Variants in ATP10A observed in about 807,000 individuals in gnomAD.
The protein encoded by ATP10A is phospholipid-transporting ATPase VA.
In ATP10A, 111 loss-of-function variants were observed where a neutral mutation model predicts 147.8. The ratio of observed to expected loss-of-function variants is 0.75; its 90% CI spans 0.64 to 0.88. The LOEUF (loss-of-function observed/expected upper bound fraction) is 0.88. ATP10A is among the 40% of genes least tolerant of loss of function. ATP10A has a pLI of 0.00. For missense variants in ATP10A, 1,927 were observed against 1,959.0 expected, an observed-to-expected ratio of 0.98 and a Z score of 0.31; for synonymous variants, 875 against 841.6, an observed-to-expected ratio of 1.04 and a Z score of -0.69.
intron 13 of ATP10A, among the ~76,000 whole-genome samples, chr15:25,701,505 C>G (rs900843445): frequency 3.3e-5 from 5 of 152,170 alleles, no homozygotes; most frequent in Admixed American, 2.6e-4. Flanking sequence ...TATGAAGTAG[C>G]TACTCGCCAC....
intron 2 of ATP10A, among the ~76,000 whole-genome samples, chr15:25,759,328 AG>A (rs1329162959): frequency 6.6e-6 from 1 of 152,192 alleles, no homozygotes; most frequent in Admixed American, 6.5e-5. Flanking sequence ...GGTTTAAGCA[AG>A]ATGTAGGTTT....
intron 13 of ATP10A, among the ~76,000 whole-genome samples, chr15:25,700,069 T>C (rs1377695901): frequency 6.6e-6 from 1 of 151,446 alleles, no homozygotes; most frequent in Non-Finnish European, 1.5e-5. Flanking sequence ...AATTAGAAAA[T>C]GGAAAAATAC....
chr15:25,679,147 C>T lies in ATP10A; in HGVS notation c.*194G>A, dbSNP rs1487889028. 1.2e-5 allele frequency: 4 copies of T among 325,200 alleles called. No homozygotes were observed. Among genetic ancestry groups the T allele is most frequent in the Non-Finnish European group, 2.1e-5 (4 of 192,922 alleles). The allele number at this position is 325,200 out of a possible 1,614,324, so 20.1% of individuals were successfully genotyped here. On this transcript the variant is annotated 3_prime_UTR_variant, in exon 21 of 21. Coordinates refer to ENST00000555815, the MANE Select transcript of ATP10A (RefSeq NM_024490.4). ...CTTTAAACTTTTATATATGTTAAGG[C>T]TCTTCTTTTTCTTTTCAATATACTC...
Position 25,862,853 on chromosome 15 carries a change from G to T in ATP10A, c.244C>A (p.Gln82Lys). The change falls in exon 1 of 21, where the codon CAG (glutamine) becomes AAG (lysine). Residue 82 changes from glutamine (Q) to lysine (K), a missense_variant. Transcript: ENST00000555815. Reference protein sequence around the residue: ...LSFLPKNLFEQFHRPANVYFV... With the variant: ...LSFLPKNLFEKFHRPANVYFV... Reference sequence around the variant, plus strand: ...TACACGTTGGCCGGGCGGTGGAACTGCTCGAACAGGTTCTTGGGCAGGAAG... The same window carrying T: ...TACACGTTGGCCGGGCGGTGGAACTTCTCGAACAGGTTCTTGGGCAGGAAG... 6.2e-7 allele frequency: 1 copy of T among 1,610,544 alleles called. No individual in the cohort carries two copies. The highest frequency in any genetic ancestry group is 1.3e-5 in the African/African-American group (1 of 75,004).
At chr15:25,772,330 C>T (rs746560785) in intron 2 of ATP10A, among the ~76,000 whole-genome samples, 13 of 152,208 alleles carry the variant, frequency 8.5e-5, no homozygotes, top group Middle Eastern at 3.4e-3. Context: ...CTGATGCTTG[C>T]GGCAGTCTGA....
intron 15 of ATP10A, among the ~76,000 whole-genome samples, chr15:25,688,504 A>C (rs1331532125): frequency 6.6e-6 from 1 of 152,236 alleles, no homozygotes; most frequent in Non-Finnish European, 1.5e-5. Flanking sequence ...CAGTGAAGCC[A>C]ACTAGGCTGG....
At chr15:25,704,043 G>A (rs571792921) in intron 12 of ATP10A, among the ~76,000 whole-genome samples, 1 of 151,496 alleles carries the variant, frequency 6.6e-6, no homozygotes, top group African/African-American at 2.5e-5. Flanking sequence ...CCAGCCACCC[G>A]GGCACCGGGA....
intron 5 of ATP10A, 84 bp downstream of exon 5, chr15:25,725,867 C>T (rs974686239): frequency 8.2e-6 from 12 of 1,455,646 alleles, no homozygotes; most frequent in Non-Finnish European, 1.1e-5. Context: ...ATCTGCCCGC[C>T]TCGGCCTCCC....
At chr15:25,771,125 G>C (rs934253459) in intron 2 of ATP10A, among the ~76,000 whole-genome samples, 3 of 152,074 alleles carry the variant, frequency 2.0e-5, no homozygotes, top group Non-Finnish European at 2.9e-5. Context: ...ATCAAACCCC[G>C]TGTTGCAAGT....
chr15:25,783,918 C>T (rs1244771235), intron 1 of ATP10A, among the ~76,000 whole-genome samples: 1 of 152,186 alleles, frequency 6.6e-6, no homozygotes, highest in Non-Finnish European at 1.5e-5. Flanking sequence ...CAGGCCCCAG[C>T]CCGAGGTCTG....
intron 2 of ATP10A, among the ~76,000 whole-genome samples, chr15:25,764,482 C>A (rs1888921271): frequency 6.6e-6 from 1 of 152,104 alleles, no homozygotes; most frequent in South Asian, 2.1e-4. Flanking sequence ...GATTAGTGCC[C>A]TTCTAAGAAG....
In ATP10A at chr15:25,757,870, G is replaced by T. The variant is rs769865363; in HGVS notation, c.655-21729C>A. Among the ~76,000 whole-genome samples, 646 of 109,470 alleles carry T rather than the reference G, an allele frequency of 5.9e-3. 1 individual carries two copies. Among genetic ancestry groups the T allele is most frequent in the Middle Eastern group, 0.025 (3 of 122 alleles). 71.8% of individuals were successfully genotyped at this position (109,470 alleles called of 152,430 possible). On this transcript the variant is annotated intron_variant, in intron 2 of 20. Transcript: ENST00000555815. ...CACCTGCTCCACCCTAACTCATTCC[G>T]ACCACCTGCTCCACCCTAACTCATT...
intron 14 of ATP10A, among the ~76,000 whole-genome samples, chr15:25,693,562 C>A (rs186253149): frequency 2.6e-5 from 4 of 152,018 alleles, no homozygotes; most frequent in African/African-American, 9.7e-5. Context: ...AGGACGCTGA[C>A]GCTCAGAGGA....
rs1481995738 is a variant in ATP10A, at chr15:25,725,960, A to G, written c.970T>C (p.Ser324Pro). Reference protein sequence around the residue: ...VLLLVCMSLFSAVGHGLWIWR... With the variant: ...VLLLVCMSLFPAVGHGLWIWR... ...CATCTAGGAGACTTACCGACTGCTG[A>G]AAACAGAGACATGCAAACAAGGAGC... Residue 324 changes from serine (S) to proline (P), a missense_variant, in exon 5 of 21, where the codon TCA becomes CCA. Coordinates refer to ENST00000555815, the MANE Select transcript of ATP10A (RefSeq NM_024490.4). The G allele has an allele frequency of 3.1e-6, 5 of 1,613,298 alleles. No individual in the cohort carries two copies.
intron 13 of ATP10A, among the ~76,000 whole-genome samples, chr15:25,701,456 G>A (rs2140343003): frequency 6.6e-6 from 1 of 152,306 alleles, no homozygotes; most frequent in South Asian, 2.1e-4. Flanking sequence ...TTTTGAGTGG[G>A]AACTTCTGCG....
intron 1 of ATP10A, among the ~76,000 whole-genome samples, chr15:25,804,631 C>T (rs72707941): frequency 0.16 from 23,610 of 152,062 alleles, 1,985 homozygotes; most frequent in Middle Eastern, 0.23. Flanking sequence ...CCAGGTCCAC[C>T]CGGCCACCCA....
intron 1 of ATP10A, among the ~76,000 whole-genome samples, chr15:25,808,480 G>A (rs1891293319): frequency 6.6e-6 from 1 of 152,226 alleles, no homozygotes. Context: ...CGCCTCCTGG[G>A]TTCAAGCTAT....
rs1186375566 is a variant in ATP10A at position 25,721,755 on chromosome 15, T to G, written c.1265A>C (p.Gln422Pro). ...LNITEDLGQI[Q>P]YIFSDKTGTL... ...GCCAGTTTTATCTGAGAAAATGTACTGTATCTGTCCTAAGTCTTCCGTGAT... is the reference window on the plus strand; with the variant it reads ...GCCAGTTTTATCTGAGAAAATGTACGGTATCTGTCCTAAGTCTTCCGTGAT... Residue 422 changes from glutamine to proline, a missense_variant, in exon 7 of 21, where the codon CAG (glutamine) becomes CCG (proline). By Grantham distance (76) the Gln-to-Pro change is moderately conservative. Coordinates refer to ENST00000555815, the MANE Select transcript of ATP10A (RefSeq NM_024490.4). 1 of 1,614,104 alleles carries G rather than the reference T, an allele frequency of 6.2e-7. No homozygotes were observed. Among genetic ancestry groups the G allele is most frequent in the Non-Finnish European group, 8.5e-7 (1 of 1,180,046 alleles).
chr15:25,705,570 C>T (rs1900946610), intron 12 of ATP10A, among the ~76,000 whole-genome samples: 1 of 152,142 alleles, frequency 6.6e-6, no homozygotes. Flanking sequence ...AACACAGTGC[C>T]CGCGTTTGAG....
Sources: gnomAD v4.1 joint callset for allele counts (sites outside exome capture counted in the v4.1 genomes callset) on GRCh38, gnomAD v4.1.1 for gene constraint, MANE v1.5 for transcripts, NCBI Gene and HGNC (gene_info 2026-07-23, HGNC 2026-07-21) for gene names.